IFIH1: variants seen among roughly 807,000 people sequenced by gnomAD.
The protein encoded by IFIH1 is interferon induced with helicase C domain 1.
In IFIH1, 125 loss-of-function variants were observed where a neutral mutation model predicts 107.4. The ratio of observed to expected loss-of-function variants is 1.16; its 90% CI spans 1.01 to 1.35. The LOEUF (loss-of-function observed/expected upper bound fraction) is 1.35, where lower values mean the gene tolerates loss of function less well. IFIH1 is among the 40% of genes most tolerant of loss of function. The probability of loss-of-function intolerance (pLI) is 0.00; values close to 1 mark genes in which losing one functional copy is unlikely to be tolerated. For synonymous variants in IFIH1, 458 were observed against 413.2 expected (o/e 1.11, Z -1.31); for missense variants, 1,333 against 1,213.7 (o/e 1.10, Z -1.46).
Position 162,318,128 on chromosome 2 carries a change from T to G in IFIH1, c.180A>C (p.Glu60Asp), listed in dbSNP as rs777639035. 4.3e-6 allele frequency: 7 copies of G among 1,614,036 alleles called. No individual in the cohort carries two copies. Among genetic ancestry groups the G allele is most frequent in the Non-Finnish European group, 5.9e-6 (7 of 1,180,026 alleles). ...VATSGNMQAV[E>D]LLLSTLEKGV... ...CCTTCTCCAAGGTGCTCAGCAGCAG[T>G]TCAACTGCCTGCATGTTCCCGGAGG... is the stretch of plus-strand genomic sequence containing the variant. The change falls in exon 1 of 16, where the codon GAA becomes GAC. Residue 60 changes from glutamate (E) to aspartate (D), a missense_variant. Glu to Asp is a conservative substitution (Grantham distance 45). Transcript: ENST00000649979.
intron 3 of IFIH1, among the ~76,000 whole-genome samples, chr2:162,303,680 C>A (rs1349028548): frequency 6.6e-6 from 1 of 151,928 alleles, no homozygotes; most frequent in East Asian, 1.9e-4. Flanking sequence ...AAATAAAAAG[C>A]TTTTCTGTCC....
At chr2:162,294,441 C>T (rs1217433439) in intron 3 of IFIH1, among the ~76,000 whole-genome samples, 1 of 151,924 alleles carries the variant, frequency 6.6e-6, no homozygotes, top group African/African-American at 2.4e-5. Context: ...ACAACCTCAT[C>T]CTCAAGCACC....
Position 162,288,355 on chromosome 2 carries a change from T to A in IFIH1, c.875A>T (p.Asp292Val). The change falls in exon 5 of 16, where the codon GAT (aspartate) becomes GTT (valine). Residue 292 changes from aspartate to valine, a missense_variant and splice_region_variant. Physicochemically the swap from Asp to Val is radical, Grantham distance 152 (BLOSUM62 -3). Transcript: ENST00000649979. ...TGCTCTTGCTGCCACATTCTCTTCATCTGAAGAAGGTTGAAAAGAAAAATA... is the reference window on the plus strand; with the variant it reads ...TGCTCTTGCTGCCACATTCTCTTCAACTGAAGAAGGTTGAAAAGAAAAATA... Reference protein sequence around the residue: ...SDSGTMGSDSDEENVAARASP... With the variant: ...SDSGTMGSDSVEENVAARASP... 6.2e-7 allele frequency: 1 copy of A among 1,609,372 alleles called. No individual in the cohort carries two copies. Among genetic ancestry groups the A allele is most frequent in the Non-Finnish European group, 8.5e-7 (1 of 1,176,454 alleles).
intron 1 of IFIH1, among the ~76,000 whole-genome samples, chr2:162,311,542 C>T (rs1558876543): frequency 6.6e-6 from 1 of 151,180 alleles, no homozygotes; most frequent in African/African-American, 2.4e-5. Context: ...ATTGTTATAT[C>T]TTTTTTTTGG....
intron 14 of IFIH1, 36 bp from the exon 15 acceptor site, chr2:162,267,605 A>G (rs1423584733): frequency 1.0e-5 from 15 of 1,456,494 alleles, no homozygotes; most frequent in Non-Finnish European, 1.4e-5. Context: ...ATCATGGAGA[A>G]CTGACAAAAT....
Position 162,277,661 on chromosome 2 carries a change from AAACACGTTCTT to A in IFIH1, c.1787_1797del (p.Lys596MetfsTer10), listed in dbSNP as rs766039450. 2.2e-5 allele frequency: 36 copies of A among 1,605,014 alleles called. No individual in the cohort carries two copies. Among genetic ancestry groups the A allele is most frequent in the Non-Finnish European group, 3.1e-5 (36 of 1,176,622 alleles). Reference sequence around the variant, plus strand: ...TTGTACTTCCTCAAATGTTCTGCACAAACACGTTCTTTGCGATTTCCTTCTTTTGCAGCTGT... The same window carrying A: ...TTGTACTTCCTCAAATGTTCTGCACATGCGATTTCCTTCTTTTGCAGCTGT... On this transcript the variant is annotated frameshift_variant, in exon 10 of 16. Coordinates refer to ENST00000649979, the MANE Select transcript of IFIH1 (RefSeq NM_022168.4). LOFTEE classifies it high-confidence loss of function.
At chr2:162,275,351 A>C (rs1691131218) in intron 11 of IFIH1, among the ~76,000 whole-genome samples, 1 of 152,212 alleles carries the variant, frequency 6.6e-6, no homozygotes, top group Non-Finnish European at 1.5e-5. Flanking sequence ...CGCTAAAGTT[A>C]ATATAATAGA....
At chr2:162,292,891 AAAAG>A (rs753541583) in intron 4 of IFIH1, among the ~76,000 whole-genome samples, 1 of 151,680 alleles carries the variant, frequency 6.6e-6, no homozygotes, top group Non-Finnish European at 1.5e-5. Flanking sequence ...ACACTCAAAG[AAAAG>A]AAAGAAACAA....
chr2:162,290,675 T>G (rs1024523802), intron 4 of IFIH1, among the ~76,000 whole-genome samples: 3 of 151,922 alleles, frequency 2.0e-5, no homozygotes, highest in African/African-American at 7.2e-5. Context: ...AATACCTGGT[T>G]AGACAGATAG....
rs764183171 is a variant in IFIH1 at position 162,280,034 on chromosome 2, G to T, written c.1603C>A (p.Pro535Thr). The change falls in exon 8 of 16, where the codon CCA becomes ACA. Residue 535 changes from proline (P) to threonine (T), a missense_variant. Coordinates refer to ENST00000649979, the MANE Select transcript of IFIH1 (RefSeq NM_022168.4). ...TCTGCAATGGCAAACTTCTTGCATG[G>T]CTCCTGTATTTGGTTTTTCAGTTGA... ...LDQLKNQIQE[P>T]CKKFAIADAT... 1 of 1,610,508 alleles carries T rather than the reference G, an allele frequency of 6.2e-7. No homozygotes were observed. Among genetic ancestry groups the T allele is most frequent in the Non-Finnish European group, 8.5e-7 (1 of 1,177,292 alleles).
intron 3 of IFIH1, among the ~76,000 whole-genome samples, chr2:162,296,161 A>T (rs1379658764): frequency 6.6e-6 from 1 of 152,116 alleles, no homozygotes; most frequent in Non-Finnish European, 1.5e-5. Context: ...TACTTCATCT[A>T]CATGTAGAGT....
At chr2:162,291,874 T>C (rs1268075870) in intron 4 of IFIH1, among the ~76,000 whole-genome samples, 2 of 151,908 alleles carry the variant, frequency 1.3e-5, no homozygotes, top group East Asian at 3.9e-4. Flanking sequence ...CTAGGCAAAG[T>C]AATTCTTTGC....
In IFIH1 at chr2:162,267,387, A is replaced by G; in HGVS notation, c.2899-8T>C. On this transcript the variant is annotated splice_region_variant and splice_polypyrimidine_tract_variant and intron_variant, in intron 15 of 15. Transcript: ENST00000649979. ...CATCATTGTTCCCCAAGCCTGGAAA[A>G]CAAAAGAGAGAGCAAGAGGAAAATT... is the stretch of plus-strand genomic sequence containing the variant. 6.2e-7 allele frequency: 1 copy of G among 1,614,018 alleles called. No individual in the cohort carries two copies. The highest frequency in any genetic ancestry group is 1.7e-5 in the Admixed American group (1 of 59,998).
chr2:162,269,786 C>T (rs1225829107), intron 13 of IFIH1, among the ~76,000 whole-genome samples: 1 of 152,152 alleles, frequency 6.6e-6, no homozygotes, highest in Non-Finnish European at 1.5e-5. Context: ...GATCTCCCTT[C>T]AAGGCAGCCA....
intron 11 of IFIH1, among the ~76,000 whole-genome samples, chr2:162,274,614 C>T (rs1457743130): frequency 3.9e-5 from 6 of 152,040 alleles, no homozygotes; most frequent in South Asian, 4.1e-4. Context: ...AGAGGTTATG[C>T]AACTGTAAAT....
At chr2:162,286,132 T>C (rs1283613801) in intron 5 of IFIH1, among the ~76,000 whole-genome samples, 6 of 152,048 alleles carry the variant, frequency 3.9e-5, no homozygotes, top group Admixed American at 2.6e-4. Flanking sequence ...GCACTAGGAA[T>C]GATGACAGGT....
chr2:162,299,109 T>G, intron 3 of IFIH1, among the ~76,000 whole-genome samples: 1 of 152,220 alleles, frequency 6.6e-6, no homozygotes, highest in East Asian at 1.9e-4. Context: ...CTTTAGCCTT[T>G]GCACTTAGGT....
intron 4 of IFIH1, among the ~76,000 whole-genome samples, chr2:162,292,916 A>G (rs1558871073): frequency 6.8e-6 from 1 of 147,002 alleles, no homozygotes; most frequent in Non-Finnish European, 1.5e-5. Context: ...TTTGAAATCT[A>G]TCAGACTAAC....
At chr2:162,294,445 A>G (rs1216388210) in intron 3 of IFIH1, among the ~76,000 whole-genome samples, 1 of 151,908 alleles carries the variant, frequency 6.6e-6, no homozygotes, top group East Asian at 1.9e-4. Flanking sequence ...CCTCATCCTC[A>G]AGCACCAGAA....
Sources: allele counts gnomAD v4.1 joint callset (sites outside exome capture counted in the v4.1 genomes callset), GRCh38; gene constraint gnomAD v4.1.1; transcripts MANE v1.5; gene names NCBI Gene and HGNC (gene_info 2026-07-23, HGNC 2026-07-21).